Variants in AGAP1 observed in about 807,000 individuals in gnomAD.
AGAP1 encodes arf-GAP with GTPase, ANK repeat and PH domain-containing protein 1.
AGAP1 carries 29 observed loss-of-function variants against 105.3 expected under a neutral mutation model. The ratio of observed to expected loss-of-function variants is 0.28; its 90% confidence interval spans 0.21 to 0.38. The LOEUF (loss-of-function observed/expected upper bound fraction) is 0.38. Ranked by LOEUF, AGAP1 falls within the 10% of genes least tolerant of loss-of-function variation. The pLI is 1.00. For synonymous variants in AGAP1, 509 were observed against 485.9 expected (o/e 1.05, Z -0.63); for missense variants, 998 against 1,165.1 (o/e 0.86, Z 2.09).
chr2:236,056,868 G>A lies in AGAP1; in HGVS notation c.2114+7587G>A, dbSNP rs2125738911. 6.6e-6 allele frequency among the ~76,000 whole-genome samples: 1 copy of A among 152,272 alleles called. No homozygotes were observed. Among genetic ancestry groups the A allele is most frequent in the East Asian group, 1.9e-4 (1 of 5,164 alleles). ...GATGCCGCTCTGCAGTCCTGCTGCT[G>A]CTCCTGTTCCTTTTCTGCCAAATCC... is the stretch of plus-strand genomic sequence containing the variant. On this transcript the variant is annotated intron_variant, in intron 16 of 17. Transcript: ENST00000304032. This position sits in a 1 kb window ranked among gnomAD's most constrained non-coding sequence, Gnocchi z 4.6.
chr2:236,013,729 A>C (rs1043974008), intron 13 of AGAP1, among the ~76,000 whole-genome samples: 1 of 152,210 alleles, frequency 6.6e-6, no homozygotes, highest in African/African-American at 2.4e-5. Context: ...CAGAAGGTGA[A>C]TGACAGTGAC....
At position 235,744,671 on chromosome 2, in the gene AGAP1, G is replaced by T. The variant is rs1306265855; in HGVS notation, c.397-27G>T. The T allele has an allele frequency of 5.0e-6, 8 of 1,613,674 alleles. No homozygotes were observed. Among genetic ancestry groups the T allele is most frequent in the Non-Finnish European group, 6.8e-6 (8 of 1,179,782 alleles). ...AATCAAGCCTGCTCACTCAGCTCCT[G>T]CTCTCCTCCCCTTCTTCTCTCCCTA... On this transcript the variant is annotated intron_variant, in intron 4 of 17. Transcript: ENST00000304032. This position sits in a 1 kb window ranked among gnomAD's most constrained non-coding sequence, Gnocchi z 5.2.
chr2:235,835,425 C>T (rs1960031698), intron 9 of AGAP1, among the ~76,000 whole-genome samples: 1 of 152,200 alleles, frequency 6.6e-6, no homozygotes, highest in African/African-American at 2.4e-5. Flanking sequence ...CGTTTTTCTT[C>T]CTTCATCTAC....
At chr2:235,945,127 G>C (rs570327724) in intron 12 of AGAP1, among the ~76,000 whole-genome samples, 3 of 152,156 alleles carry the variant, frequency 2.0e-5, no homozygotes, top group Non-Finnish European at 4.4e-5. Flanking sequence ...TTGAGACGGA[G>C]TCTCGCTCTT....
chr2:235,775,660 G>C (rs1164400421), intron 6 of AGAP1: 1 of 152,070 alleles, frequency 6.6e-6, no homozygotes, highest in African/African-American at 2.4e-5. Flanking sequence ...TACATACCTG[G>C]TCACGCTCTA....
Position 236,044,492 on chromosome 2 carries a change from C to T in AGAP1, c.1891+3651C>T, listed in dbSNP as rs1273636167. On this transcript the variant is annotated intron_variant, in intron 15 of 17. Coordinates refer to ENST00000304032, the MANE Select transcript of AGAP1 (RefSeq NM_001037131.3). This position sits in a 1 kb window ranked among gnomAD's most constrained non-coding sequence, Gnocchi z 5.7. ...TGGAGCTGACCGTGCGCTGGTCCCT[C>T]CCACCCTGCTGCGTGGACCTCACAG... 1.3e-5 allele frequency among the ~76,000 whole-genome samples: 2 copies of T among 152,262 alleles called. No homozygotes were observed. The highest frequency in any genetic ancestry group is 1.3e-4 in the Admixed American group (2 of 15,300).
rs924983340 is a variant in AGAP1, at chr2:236,000,919, C to T, written c.1645+32296C>T. On this transcript the variant is annotated intron_variant, in intron 13 of 17. Transcript: ENST00000304032. The surrounding 1 kb of genome is among the most constrained non-coding windows in gnomAD (Gnocchi z 4.3). ...GGCCAAGCGAGGGAGGCAGATGCCGCGTGGCGTGAGGAGGGTGAGAGTCCA... is the reference window on the plus strand; with the variant it reads ...GGCCAAGCGAGGGAGGCAGATGCCGTGTGGCGTGAGGAGGGTGAGAGTCCA... 2.0e-5 allele frequency among the ~76,000 whole-genome samples: 3 copies of T among 152,138 alleles called. No homozygotes were observed. The highest frequency in any genetic ancestry group is 7.2e-5 in the African/African-American group (3 of 41,442).
Position 235,801,820 on chromosome 2 carries a change from C to G in AGAP1, c.957+2298C>G, listed in dbSNP as rs562489247. ...GGGGGAGAGCACTCATTCTCAGACG[C>G]CTTCTGAGGGCCACATTTTCTGCTT... On this transcript the variant is annotated intron_variant, in intron 8 of 17. Coordinates refer to ENST00000304032, the MANE Select transcript of AGAP1 (RefSeq NM_001037131.3). This position sits in a 1 kb window ranked among gnomAD's most constrained non-coding sequence, Gnocchi z 6.0. Among the ~76,000 whole-genome samples the G allele has an allele frequency of 6.6e-6, 1 of 152,050 alleles. No homozygotes were observed. Among genetic ancestry groups the G allele is most frequent in the African/African-American group, 2.4e-5 (1 of 41,388 alleles).
chr2:236,109,643 G>A lies in AGAP1; in HGVS notation c.2115-10549G>A, dbSNP rs951545968. ...TCGGTGTTCTAGACCGGCAGCCGTG[G>A]GAACGTCCTAGTCGGCGGCAGCGTC... is the stretch of plus-strand genomic sequence containing the variant. On this transcript the variant is annotated intron_variant, in intron 16 of 17. Transcript: ENST00000304032. This position sits in a 1 kb window ranked among gnomAD's most constrained non-coding sequence, Gnocchi z 5.4. Among the ~76,000 whole-genome samples the A allele has an allele frequency of 2.0e-5, 3 of 152,292 alleles. No homozygotes were observed. The highest frequency in any genetic ancestry group is 4.4e-5 in the Non-Finnish European group (3 of 68,028).
At chr2:235,835,872 C>T (rs762244858) in intron 9 of AGAP1, among the ~76,000 whole-genome samples, 16 of 152,204 alleles carry the variant, frequency 1.1e-4, no homozygotes, top group East Asian at 3.8e-4. Flanking sequence ...GGAGAGGCTC[C>T]GGCTGTCACC....
At chr2:235,581,068 C>T (rs774881159) in intron 1 of AGAP1, among the ~76,000 whole-genome samples, 12 of 143,182 alleles carry the variant, frequency 8.4e-5, no homozygotes, top group Admixed American at 3.0e-4. Context: ...AGGCATAGGT[C>T]GGTGGATCAC....
intron 16 of AGAP1, among the ~76,000 whole-genome samples, chr2:236,118,171 C>T (rs1169019591): frequency 2.0e-5 from 3 of 152,082 alleles, no homozygotes; most frequent in Non-Finnish European, 2.9e-5. Flanking sequence ...CTCTGTACTT[C>T]GGAAGCAGAA....
intron 1 of AGAP1, among the ~76,000 whole-genome samples, chr2:235,572,267 G>C (rs1435826681): frequency 1.3e-5 from 2 of 151,952 alleles, no homozygotes. Context: ...TTGCAGCTCA[G>C]CATGGCTGTG....
chr2:235,510,082 G>A (rs1942008009), intron 1 of AGAP1, among the ~76,000 whole-genome samples: 1 of 152,182 alleles, frequency 6.6e-6, no homozygotes, highest in Non-Finnish European at 1.5e-5. Context: ...TCTAGTTGCA[G>A]GAAAACAAGC....
At chr2:236,102,783 T>G (rs1158061006) in intron 16 of AGAP1, among the ~76,000 whole-genome samples, 1 of 152,156 alleles carries the variant, frequency 6.6e-6, no homozygotes, top group African/African-American at 2.4e-5. Flanking sequence ...TGTTTTGTTG[T>G]GTTGTTTTAC....
rs986896995 is a variant in AGAP1, at chr2:235,728,326, T to TGTGTGTGTGTGC, written c.310+10683_310+10684insTGTGTGTGTGCG. Among the ~76,000 whole-genome samples, 73 of 151,738 alleles carry TGTGTGTGTGTGC rather than the reference T, an allele frequency of 4.8e-4. No individual in the cohort carries two copies. Among genetic ancestry groups the TGTGTGTGTGTGC allele is most frequent in the African/African-American group, 1.5e-3 (63 of 41,200 alleles). ...CTGTGTGTGTGTGTGTGTGTGTGTG[T>TGTGTGTGTGTGC]GCGTGCTCTTAAATCAATGTAAATT... On this transcript the variant is annotated intron_variant, in intron 3 of 17. Transcript: ENST00000304032. This position sits in a 1 kb window ranked among gnomAD's most constrained non-coding sequence, Gnocchi z 4.3.
chr2:236,091,328 T>A (rs1178596232), intron 16 of AGAP1, among the ~76,000 whole-genome samples: 1 of 152,220 alleles, frequency 6.6e-6, no homozygotes, highest in Non-Finnish European at 1.5e-5. Context: ...AACTGTTCCT[T>A]TTTCATAATG....
At chr2:235,653,184 G>A (rs920423244) in intron 1 of AGAP1, among the ~76,000 whole-genome samples, 1 of 152,222 alleles carries the variant, frequency 6.6e-6, no homozygotes, top group East Asian at 1.9e-4. Flanking sequence ...GGCACATTCC[G>A]GCCGGGCGCA....
Position 235,792,776 on chromosome 2 carries a change from C to T in AGAP1, c.674-4983C>T, listed in dbSNP as rs899915600. Among the ~76,000 whole-genome samples, 2 of 152,224 alleles carry T rather than the reference C, an allele frequency of 1.3e-5. No individual in the cohort carries two copies. Among genetic ancestry groups the T allele is most frequent in the East Asian group, 1.9e-4 (1 of 5,156 alleles). On this transcript the variant is annotated intron_variant, in intron 6 of 17. Transcript: ENST00000304032. The surrounding 1 kb of genome is among the most constrained non-coding windows in gnomAD (Gnocchi z 5.3). ...AGGCTGGGCGGCGCGGACTTGAAGG[C>T]GCCTCTAGCAGATCCAAGGGGAGAT...
Sources: allele counts gnomAD v4.1 joint callset (sites outside exome capture counted in the v4.1 genomes callset), GRCh38; gene constraint gnomAD v4.1.1; non-coding constraint Gnocchi (gnomAD v3.1); transcripts MANE v1.5; gene names NCBI Gene and HGNC (gene_info 2026-07-23, HGNC 2026-07-21).